Variants in LRRC8A observed in about 807,000 individuals in gnomAD.
LRRC8A encodes the protein volume-regulated anion channel subunit LRRC8A.
LRRC8A carries 24 observed loss-of-function variants against 52.5 expected under a neutral mutation model. The ratio of observed to expected loss-of-function variants is 0.46; its 90% CI spans 0.33 to 0.64. The LOEUF (loss-of-function observed/expected upper bound fraction) is 0.64. LRRC8A is among the 30% of genes least tolerant of loss of function. The pLI, the probability that LRRC8A is intolerant of heterozygous loss-of-function variation, is 0.02. For missense variants in LRRC8A, 677 were observed against 1,094.7 expected, an observed-to-expected ratio of 0.62 and a Z score of 5.38; for synonymous variants, 492 against 494.2, an observed-to-expected ratio of 1.00 and a Z score of 0.06.
Position 128,907,809 on chromosome 9 carries a change from C to A in LRRC8A, c.645C>A (p.Thr215=), listed in dbSNP as rs1009269847. 1 of 1,613,854 alleles carries A rather than the reference C, an allele frequency of 6.2e-7. No homozygotes were observed. The highest frequency in any genetic ancestry group is 8.5e-7 in the Non-Finnish European group (1 of 1,179,974). ...VEATVPMLQR[T]KSRIEQGIVD... ...CCACCGTGCCCATGCTGCAGCGGAC[C>A]AAGTCACGGATCGAGCAGGGTATCG... Residue 215 remains threonine, a synonymous_variant, in exon 3 of 4, where the codon ACC becomes ACA. Transcript: ENST00000372600. This position sits in a 1 kb window ranked among gnomAD's most constrained non-coding sequence, Gnocchi z 9.3.
chr9:128,903,203 C>T (rs1485709725), intron 2 of LRRC8A, among the ~76,000 whole-genome samples: 1 of 152,026 alleles, frequency 6.6e-6, no homozygotes, highest in African/African-American at 2.4e-5. Context: ...AAGGATGACC[C>T]TAGGAGGGCC....
In LRRC8A at chr9:128,892,631, G is replaced by A. The variant is rs991408789; in HGVS notation, c.-9+6510G>A. Among the ~76,000 whole-genome samples, 20 of 152,154 alleles carry A rather than the reference G, an allele frequency of 1.3e-4. No individual in the cohort carries two copies. The highest frequency in any genetic ancestry group is 2.9e-5 in the Non-Finnish European group (2 of 68,002). On this transcript the variant is annotated intron_variant, in intron 2 of 3. Coordinates refer to ENST00000372600, the MANE Select transcript of LRRC8A (RefSeq NM_019594.4). The surrounding 1 kb of genome is among the most constrained non-coding windows in gnomAD (Gnocchi z 5.2). ...TGTGGGGGCCTCCAGGGCAGTGTCC[G>A]CCCTGGGGAGGGTGGAGGCTGTGTG...
rs41275930 is a variant in LRRC8A, at chr9:128,907,938, C to T, written c.774C>T (p.Asp258=). The change falls in exon 3 of 4, where the codon GAC becomes GAT. Residue 258 remains aspartate (D), a synonymous_variant. Coordinates refer to ENST00000372600, the MANE Select transcript of LRRC8A (RefSeq NM_019594.4). This position sits in a 1 kb window ranked among gnomAD's most constrained non-coding sequence, Gnocchi z 9.3. ...TCCGGACCCATGTGGAGGAGGGGGA[C>T]ATTGTGTACCGCCTCTACATGCGGC... ...KKFRTHVEEG[D]IVYRLYMRQT... The T allele has an allele frequency of 0.014, 23,198 of 1,614,076 alleles. 391 individuals are homozygous for T. The highest frequency in any genetic ancestry group is 0.066 in the South Asian group (5,978 of 91,072).
At chr9:128,910,765 C>T (rs1480033134) in intron 3 of LRRC8A, among the ~76,000 whole-genome samples, 1 of 152,122 alleles carries the variant, frequency 6.6e-6, no homozygotes, top group African/African-American at 2.4e-5. Flanking sequence ...ACAGGGTGGT[C>T]CAGCAGCAGT....
intron 2 of LRRC8A, among the ~76,000 whole-genome samples, chr9:128,887,469 G>A (rs1225327796): frequency 6.6e-6 from 1 of 151,914 alleles, no homozygotes; most frequent in Admixed American, 6.6e-5. Context: ...AGACCTGTTT[G>A]GATCTTTAAT....
chr9:128,884,167 G>T (rs2130919710), intron 1 of LRRC8A, among the ~76,000 whole-genome samples: 1 of 152,288 alleles, frequency 6.6e-6, no homozygotes. Context: ...AGAACTCAGG[G>T]AAGTGGCCGG....
intron 1 of LRRC8A, among the ~76,000 whole-genome samples, chr9:128,883,827 A>G (rs1452953237): frequency 6.6e-6 from 1 of 152,184 alleles, no homozygotes; most frequent in Non-Finnish European, 1.5e-5. Flanking sequence ...ACAAAAAATT[A>G]GCCAGGCATG....
intron 1 of LRRC8A, among the ~76,000 whole-genome samples, chr9:128,883,464 T>G (rs1028123590): frequency 1.6e-4 from 24 of 152,206 alleles, no homozygotes; most frequent in African/African-American, 5.3e-4. Flanking sequence ...GCAGTGCTGA[T>G]TGCTCAGTCT....
Position 128,902,453 on chromosome 9 carries a change from C to G in LRRC8A, c.-8-4704C>G, listed in dbSNP as rs1840063879. Among the ~76,000 whole-genome samples the G allele has an allele frequency of 1.3e-5, 2 of 152,144 alleles. No individual in the cohort carries two copies. The highest frequency in any genetic ancestry group is 1.3e-4 in the Admixed American group (2 of 15,262). ...CCCCAGGTCGGCGGGGCTGGGGCGGCTCCTCGCAGAGGAAGCAGGTGTTTC... is the reference window on the plus strand; with the variant it reads ...CCCCAGGTCGGCGGGGCTGGGGCGGGTCCTCGCAGAGGAAGCAGGTGTTTC... On this transcript the variant is annotated intron_variant, in intron 2 of 3. Coordinates refer to ENST00000372600, the MANE Select transcript of LRRC8A (RefSeq NM_019594.4). The surrounding 1 kb of genome is among the most constrained non-coding windows in gnomAD (Gnocchi z 4.1).
At chr9:128,887,174 T>G (rs1360970416) in intron 2 of LRRC8A, among the ~76,000 whole-genome samples, 2 of 152,190 alleles carry the variant, frequency 1.3e-5, no homozygotes, top group Non-Finnish European at 2.9e-5. Flanking sequence ...TGGCTATTTT[T>G]GGGGGACAGG....
At chr9:128,888,779 T>G (rs1479385182) in intron 2 of LRRC8A, among the ~76,000 whole-genome samples, 1 of 152,012 alleles carries the variant, frequency 6.6e-6, no homozygotes, top group African/African-American at 2.4e-5. Context: ...GTCCTGTCGC[T>G]TTCCCTCCCC....
At position 128,899,328 on chromosome 9, in the gene LRRC8A, A is replaced by G. The variant is rs1839940617; in HGVS notation, c.-8-7829A>G. Among the ~76,000 whole-genome samples, 1 of 151,808 alleles carries G rather than the reference A, an allele frequency of 6.6e-6. No individual in the cohort carries two copies. The highest frequency in any genetic ancestry group is 6.6e-5 in the Admixed American group (1 of 15,236). On this transcript the variant is annotated intron_variant, in intron 2 of 3. Coordinates refer to ENST00000372600, the MANE Select transcript of LRRC8A (RefSeq NM_019594.4). This position sits in a 1 kb window ranked among gnomAD's most constrained non-coding sequence, Gnocchi z 4.0. The stretch of plus-strand genomic sequence containing the variant: ...CCAGCCACCCCCACCCCACGCCTCA[A>G]AGGCTCCCTTCCCTTCCGGGGCATT...
rs1322367375 is a variant in LRRC8A at position 128,907,446 on chromosome 9, C to T, written c.282C>T (p.Pro94=). ...TTCTGCCGACCCCTGACACGGGCCC[C>T]ACAGGCATCAAGTATGACCTGGACC... The part of the protein sequence containing the change: ...STILPTPDTG[P]TGIKYDLDRH... The change falls in exon 3 of 4, where the codon CCC becomes CCT. Residue 94 remains proline, a synonymous_variant. Transcript: ENST00000372600. This position sits in a 1 kb window ranked among gnomAD's most constrained non-coding sequence, Gnocchi z 9.3. The T allele has an allele frequency of 6.2e-6, 10 of 1,613,694 alleles. No individual in the cohort carries two copies. In the Admixed American group the frequency reaches 1.7e-4, roughly 27 times the overall value.
intron 1 of LRRC8A, chr9:128,885,507 G>C (rs1033281287): frequency 9.9e-5 from 15 of 152,132 alleles, no homozygotes; most frequent in African/African-American, 3.6e-4. Flanking sequence ...TCTGGGTCTA[G>C]TGCTTCTCCT....
intron 2 of LRRC8A, among the ~76,000 whole-genome samples, chr9:128,905,435 C>T (rs76296630): frequency 1.2e-3 from 188 of 152,338 alleles, no homozygotes; most frequent in Non-Finnish European, 2.3e-3. Context: ...GGCATTCTCA[C>T]AGAGATCTTG....
chr9:128,906,308 CA>C (rs1398397603), intron 2 of LRRC8A, among the ~76,000 whole-genome samples: 1 of 142,472 alleles, frequency 7.0e-6, no homozygotes, highest in African/African-American at 2.6e-5. Flanking sequence ...TGCCAGCCCC[CA>C]TGTGGAATTT....
intron 2 of LRRC8A, among the ~76,000 whole-genome samples, chr9:128,889,006 C>T (rs1020800843): frequency 6.6e-6 from 1 of 152,144 alleles, no homozygotes. Flanking sequence ...ATCTTACCTT[C>T]GCCACAGCCT....
At chr9:128,909,817 A>C (rs1458896149) in intron 3 of LRRC8A, among the ~76,000 whole-genome samples, 1 of 152,214 alleles carries the variant, frequency 6.6e-6, no homozygotes, top group Non-Finnish European at 1.5e-5. Flanking sequence ...GTGGGTGGCC[A>C]GTGCTGGCTG....
intron 1 of LRRC8A, among the ~76,000 whole-genome samples, chr9:128,883,457 G>A (rs974589906): frequency 6.6e-6 from 1 of 152,244 alleles, no homozygotes; most frequent in African/African-American, 2.4e-5. Flanking sequence ...AGACTGGGCA[G>A]TGCTGATTGC....
Sources: gnomAD v4.1 joint callset for allele counts (sites outside exome capture counted in the v4.1 genomes callset) on GRCh38, gnomAD v4.1.1 for gene constraint, Gnocchi (gnomAD v3.1) non-coding constraint, MANE v1.5 for transcripts, NCBI Gene and HGNC (gene_info 2026-07-23, HGNC 2026-07-21) for gene names.